NFRKB: variants seen among roughly 807,000 people sequenced by gnomAD.
The protein encoded by NFRKB is nuclear factor related to kappa-B-binding protein.
A neutral mutation model predicts 135.7 loss-of-function variants in NFRKB; 62 were observed. The observed-to-expected ratio is 0.46, with a 90% CI of 0.37 to 0.56. The LOEUF is 0.56. Among genes scored for constraint, NFRKB ranks in the 20% least tolerant of loss-of-function variants. The probability of loss-of-function intolerance (pLI) is 0.00; values close to 1 mark genes in which losing one functional copy is unlikely to be tolerated. For synonymous variants in NFRKB, 678 were observed against 635.6 expected (o/e 1.07, Z -1.00); for missense variants, 1,545 against 1,662.0 (o/e 0.93, Z 1.22).
intron 10 of NFRKB, 41 bp from the exon 11 acceptor site, chr11:129,882,235 A>T: frequency 6.5e-7 from 1 of 1,544,448 alleles, no homozygotes; most frequent in Non-Finnish European, 8.8e-7. Context: ...AAAGACCAAG[A>T]ACACATCCCT....
In NFRKB at chr11:129,874,728, A is replaced by T; in HGVS notation, c.1978+65T>A. 6.2e-7 allele frequency: 1 copy of T among 1,612,470 alleles called. No homozygotes were observed. Among genetic ancestry groups the T allele is most frequent in the Non-Finnish European group, 8.5e-7 (1 of 1,178,616 alleles). On this transcript the variant is annotated intron_variant, in intron 19 of 26. Transcript: ENST00000682444. The surrounding 1 kb of genome is among the most constrained non-coding windows in gnomAD (Gnocchi z 4.5). ...TATATGCCAATGAAAAGAATAATGG[A>T]ATTGGGGTAGAAAGTCAGAACGTAT...
At chr11:129,882,713 C>A in intron 9 of NFRKB, 82 bp from the exon 10 acceptor site, 1 of 1,351,800 alleles carries the variant, frequency 7.4e-7, no homozygotes, top group Non-Finnish European at 1.0e-6. Flanking sequence ...TATTCTTTTC[C>A]CAAGGCCCAC....
Position 129,864,715 on chromosome 11 carries a change from T to A in NFRKB, c.*10A>T. The A allele has an allele frequency of 6.2e-7, 1 of 1,614,104 alleles. No individual in the cohort carries two copies. Among genetic ancestry groups the A allele is most frequent in the Non-Finnish European group, 8.5e-7 (1 of 1,180,034 alleles). On this transcript the variant is annotated 3_prime_UTR_variant, in exon 27 of 27. Coordinates refer to ENST00000682444, the MANE Select transcript of NFRKB (RefSeq NM_001143835.2). ...GCATGGTCTTTCACGGAAGCCATCC[T>A]CTCTCATAATCATTGTTGCTCAGGT...
intron 18 of NFRKB, 93 bp downstream of exon 18, chr11:129,875,264 G>C: frequency 9.2e-7 from 1 of 1,092,200 alleles, no homozygotes. Flanking sequence ...ACTTCATTCA[G>C]TTTTTAAAAA....
intron 3 of NFRKB, among the ~76,000 whole-genome samples, chr11:129,889,974 G>C (rs1949470347): frequency 6.7e-6 from 1 of 149,332 alleles, no homozygotes; most frequent in Non-Finnish European, 1.5e-5. Context: ...GTGTGTGTGT[G>C]TGTGTGTGTA....
intron 1 of NFRKB, among the ~76,000 whole-genome samples, chr11:129,895,212 C>A (rs1475620357): frequency 2.0e-5 from 3 of 152,204 alleles, no homozygotes. Flanking sequence ...AGAGCAACCG[C>A]CGGCTCCAAA....
At chr11:129,894,286 A>G (rs1949680249) in intron 2 of NFRKB, 73 bp downstream of exon 2, 1 of 152,246 alleles carries the variant, frequency 6.6e-6, no homozygotes, top group Admixed American at 6.5e-5. Context: ...GAAAAGAAAA[A>G]AGGATGTTAA....
chr11:129,877,800 A>G (rs1326169348), intron 15 of NFRKB, among the ~76,000 whole-genome samples: 1 of 152,184 alleles, frequency 6.6e-6, no homozygotes, highest in Non-Finnish European at 1.5e-5. Flanking sequence ...ACATGAAGCA[A>G]AAGTTCTGCC....
chr11:129,876,748 G>C lies in NFRKB; in HGVS notation c.1720C>G (p.Pro574Ala). 6.2e-7 allele frequency: 1 copy of C among 1,613,948 alleles called. No homozygotes were observed. The change falls in exon 17 of 27, where the codon CCT (proline) becomes GCT (alanine). Residue 574 changes from proline to alanine, a missense_variant. This residue lies in a region of NFRKB where 114 missense variants were observed against 211.0 expected (regional missense o/e 0.54). Coordinates refer to ENST00000682444, the MANE Select transcript of NFRKB (RefSeq NM_001143835.2). Reference protein sequence around the residue: ...REHSLLRSDRPAYVTILSLVR... With the variant: ...REHSLLRSDRAAYVTILSLVR... ...AGAGACAGAATGGTGACGTAGGCAG[G>C]CCGGTCGGAGCGCAGCAGGGAGTGC...
chr11:129,893,364 C>T (rs568889584), intron 2 of NFRKB: 8 of 331,744 alleles, frequency 2.4e-5, no homozygotes, highest in African/African-American at 1.2e-4. Context: ...ACCAGCCTAG[C>T]GAACATGGCA....
chr11:129,888,020 C>G (rs1331434433), intron 4 of NFRKB, among the ~76,000 whole-genome samples: 4 of 151,982 alleles, frequency 2.6e-5, no homozygotes, highest in East Asian at 3.9e-4. Context: ...CTGGGCGACA[C>G]AGCGAGACTC....
chr11:129,883,036 G>A, intron 9 of NFRKB, 86 bp downstream of exon 9: 1 of 1,220,802 alleles, frequency 8.2e-7, no homozygotes. Context: ...AGAGGCCATG[G>A]TTTCATTTAT....
intron 24 of NFRKB, among the ~76,000 whole-genome samples, chr11:129,867,907 G>C (rs986961018): frequency 2.0e-5 from 3 of 152,156 alleles, no homozygotes; most frequent in Non-Finnish European, 4.4e-5. Context: ...AAGCTAGTGG[G>C]GGAAGCAATA....
intron 13 of NFRKB, 75 bp downstream of exon 13, chr11:129,881,368 C>A (rs1949017279): frequency 6.8e-7 from 1 of 1,461,098 alleles, no homozygotes; most frequent in Admixed American, 1.7e-5. Context: ...ACTATATTGA[C>A]TGGAAGGCAA....
At chr11:129,881,985 G>A (rs772846117) in intron 11 of NFRKB, 101 bp downstream of exon 11, 44 of 1,456,666 alleles carry the variant, frequency 3.0e-5, no homozygotes, top group African/African-American at 1.7e-4. Flanking sequence ...ACTACAGAGC[G>A]TTGAGAGGAA....
At chr11:129,869,367 G>C (rs904284165) in intron 24 of NFRKB, 127 bp downstream of exon 24, 1 of 1,044,296 alleles carries the variant, frequency 9.6e-7, no homozygotes, top group Non-Finnish European at 1.3e-6. Context: ...GGTGCTTTTA[G>C]GGCCTCTAAT....
In NFRKB at chr11:129,876,710, G is replaced by A. The variant is rs779864988; in HGVS notation, c.1747+11C>T. ...GAAAGGGATCTCTGATAATCGACAC[G>A]TGCCACCTACCAAGAGACAGAATGG... On this transcript the variant is annotated intron_variant, in intron 17 of 26. Transcript: ENST00000682444. 85 of 1,609,662 alleles carry A rather than the reference G, an allele frequency of 5.3e-5. No individual in the cohort carries two copies. The highest frequency in any genetic ancestry group is 3.4e-4 in the Admixed American group (20 of 59,496).
chr11:129,887,324 T>C (rs1949325880), intron 4 of NFRKB, among the ~76,000 whole-genome samples: 1 of 152,108 alleles, frequency 6.6e-6, no homozygotes. Flanking sequence ...CAAAGTATCA[T>C]CCCACACTGC....
At chr11:129,878,234 G>A (rs1948862694) in intron 15 of NFRKB, 75 bp downstream of exon 15, 1 of 1,480,636 alleles carries the variant, frequency 6.8e-7, no homozygotes, top group African/African-American at 1.4e-5. Context: ...ATACCAAGAA[G>A]TATTAACAAA....
Sources: gnomAD v4.1 joint callset for allele counts (sites outside exome capture counted in the v4.1 genomes callset) on GRCh38, gnomAD v4.1.1 for gene constraint, gnomAD v4.1.1 regional missense constraint, Gnocchi (gnomAD v3.1) non-coding constraint, MANE v1.5 for transcripts, NCBI Gene and HGNC (gene_info 2026-07-23, HGNC 2026-07-21) for gene names.